OSTM1: variants seen among roughly 807,000 people sequenced by gnomAD.
OSTM1 encodes the protein osteopetrosis-associated transmembrane protein 1.
A neutral mutation model predicts 35.4 loss-of-function variants in OSTM1; 26 were observed. That is an observed-to-expected ratio of 0.73 (90% confidence interval 0.54 to 1.02). OSTM1 has a LOEUF of 1.02. Ranked by LOEUF, OSTM1 falls within the 50% of genes least tolerant of loss-of-function variation. OSTM1 has a pLI of 0.00. For missense variants in OSTM1, 366 were observed against 409.6 expected, an observed-to-expected ratio of 0.89 and a Z score of 0.92; for synonymous variants, 181 against 165.0, an observed-to-expected ratio of 1.10 and a Z score of -0.75.
In OSTM1 at chr6:108,070,600, A is replaced by G. The variant is rs1427954539; in HGVS notation, c.402+3650T>C. On this transcript the variant is annotated intron_variant, in intron 1 of 5. Coordinates refer to ENST00000193322, the MANE Select transcript of OSTM1 (RefSeq NM_014028.4). Reference sequence around the variant, plus strand: ...GTCTGAGTCAAACAAAATACATTACACTGGATAGGCTGGGCGTGGTGGCTC... The same window carrying G: ...GTCTGAGTCAAACAAAATACATTACGCTGGATAGGCTGGGCGTGGTGGCTC... Among the ~76,000 whole-genome samples the G allele has an allele frequency of 2.0e-5, 3 of 152,228 alleles. No individual in the cohort carries two copies. In the East Asian group the frequency reaches 5.8e-4, roughly 30 times the overall value.
chr6:108,061,537 T>C (rs76954336), intron 2 of OSTM1, among the ~76,000 whole-genome samples: 1,736 of 152,096 alleles, frequency 0.011, 27 homozygotes, highest in African/African-American at 0.04. Flanking sequence ...AAAAAACCTT[T>C]TTCTTTAAGA....
chr6:108,058,724 A>G (rs1772213359), intron 2 of OSTM1, among the ~76,000 whole-genome samples: 1 of 152,034 alleles, frequency 6.6e-6, no homozygotes, highest in Admixed American at 6.6e-5. Flanking sequence ...CTTGCAGTGA[A>G]CTGAGATCGC....
At chr6:108,048,094 C>T (rs1772011490) in intron 5 of OSTM1, among the ~76,000 whole-genome samples, 1 of 152,144 alleles carries the variant, frequency 6.6e-6, no homozygotes, top group African/African-American at 2.4e-5. Context: ...TAGTAGCTAG[C>T]ATTTTAAGGT....
At chr6:108,061,273 A>T (rs537634098) in intron 2 of OSTM1, among the ~76,000 whole-genome samples, 1 of 152,286 alleles carries the variant, frequency 6.6e-6, no homozygotes, top group South Asian at 2.1e-4. Flanking sequence ...GTTTTTCTTC[A>T]TATGAACTAA....
intron 1 of OSTM1, among the ~76,000 whole-genome samples, chr6:108,068,275 T>C (rs1035263690): frequency 1.3e-5 from 2 of 152,186 alleles, no homozygotes; most frequent in African/African-American, 4.8e-5. Flanking sequence ...TGTTCACCCA[T>C]GTCATAATTT....
At chr6:108,045,499 G>GA (rs112701181) in intron 5 of OSTM1, among the ~76,000 whole-genome samples, 33,096 of 137,404 alleles carry the variant, frequency 0.24, 3,816 homozygotes, top group East Asian at 0.27. Flanking sequence ...TCTGTAATGG[G>GA]AAAAAAAAAA....
intron 2 of OSTM1, among the ~76,000 whole-genome samples, chr6:108,062,146 C>A (rs2114604233): frequency 6.6e-6 from 1 of 151,798 alleles, no homozygotes; most frequent in South Asian, 2.1e-4. Flanking sequence ...AGATTAAAAA[C>A]AAAAACTAAT....
chr6:108,047,418 C>T (rs1164507597), intron 5 of OSTM1, among the ~76,000 whole-genome samples: 1 of 152,216 alleles, frequency 6.6e-6, no homozygotes. Context: ...TCATGTACAG[C>T]TTGGAGAGCA....
At chr6:108,048,789 T>C (rs1189451790) in intron 5 of OSTM1, among the ~76,000 whole-genome samples, 1 of 148,530 alleles carries the variant, frequency 6.7e-6, no homozygotes, top group African/African-American at 2.5e-5. Context: ...TCTCACTCTG[T>C]CTCCCAGGCT....
intron 1 of OSTM1, among the ~76,000 whole-genome samples, chr6:108,067,580 C>T (rs1772401222): frequency 6.6e-6 from 1 of 152,040 alleles, no homozygotes; most frequent in Non-Finnish European, 1.5e-5. Flanking sequence ...GCCTGTATCC[C>T]AATACTTTGG....
At chr6:108,071,857 G>A (rs1442683147) in intron 1 of OSTM1, among the ~76,000 whole-genome samples, 1 of 152,070 alleles carries the variant, frequency 6.6e-6, no homozygotes, top group Non-Finnish European at 1.5e-5. Context: ...AGGGTGAGTT[G>A]AGCTGGGTAC....
At position 108,072,818 on chromosome 6, in the gene OSTM1, T is replaced by C. The variant is rs1375197676; in HGVS notation, c.402+1432A>G. 4.6e-5 allele frequency among the ~76,000 whole-genome samples: 7 copies of C among 152,114 alleles called. No homozygotes were observed. The South Asian group carries it at 1.0e-3, about 23-fold the overall frequency. ...TGTTGCCCAGGAAGGAGTGCAGTAGTGCAATCTTGGCTCACCCCAACCTTG... is the reference window on the plus strand; with the variant it reads ...TGTTGCCCAGGAAGGAGTGCAGTAGCGCAATCTTGGCTCACCCCAACCTTG... On this transcript the variant is annotated intron_variant, in intron 1 of 5. Coordinates refer to ENST00000193322, the MANE Select transcript of OSTM1 (RefSeq NM_014028.4).
chr6:108,048,997 C>T (rs555638183), intron 5 of OSTM1, among the ~76,000 whole-genome samples: 1 of 152,140 alleles, frequency 6.6e-6, no homozygotes, highest in Admixed American at 6.5e-5. Flanking sequence ...GTGATCCGCC[C>T]ACCTCATCCT....
intron 3 of OSTM1, among the ~76,000 whole-genome samples, chr6:108,052,799 T>C (rs723861): frequency 0.33 from 49,494 of 152,002 alleles, 8,575 homozygotes; most frequent in Admixed American, 0.47. Flanking sequence ...CCACAAGAAA[T>C]CCTTTCACGC....
chr6:108,056,454 A>T (rs1204412514), intron 2 of OSTM1, among the ~76,000 whole-genome samples: 2 of 152,102 alleles, frequency 1.3e-5, no homozygotes, highest in African/African-American at 4.8e-5. Context: ...GCCACTGCCT[A>T]CTCCCTCCAC....
Position 108,074,720 on chromosome 6 carries a change from G to T in OSTM1, c.-69C>A. On this transcript the variant is annotated 5_prime_UTR_variant, in exon 1 of 6. Coordinates refer to ENST00000193322, the MANE Select transcript of OSTM1 (RefSeq NM_014028.4). ...CCCCCAGCCGGCACCGCGGACAGCC[G>T]CCGCTTCCGGTTTCCGCGAGCGCAG... 2 of 1,416,348 alleles carry T rather than the reference G, an allele frequency of 1.4e-6. No individual in the cohort carries two copies. The highest frequency in any genetic ancestry group is 1.8e-6 in the Non-Finnish European group (2 of 1,088,724). 87.7% of individuals were successfully genotyped at this position (1,416,348 alleles called of 1,614,324 possible).
chr6:108,052,341 G>A (rs1772090538), intron 3 of OSTM1, among the ~76,000 whole-genome samples: 3 of 151,600 alleles, frequency 2.0e-5, no homozygotes, highest in African/African-American at 7.3e-5. Flanking sequence ...GCTGAGGCAG[G>A]AGAATGGCGT....
chr6:108,048,057 T>C (rs773853364), intron 5 of OSTM1, among the ~76,000 whole-genome samples: 9 of 152,182 alleles, frequency 5.9e-5, no homozygotes, highest in African/African-American at 1.2e-4. Context: ...CTTTAATAAA[T>C]ACACCCATGA....
At chr6:108,054,236 C>A (rs117748892) in intron 3 of OSTM1, among the ~76,000 whole-genome samples, 1 of 152,196 alleles carries the variant, frequency 6.6e-6, no homozygotes, top group Non-Finnish European at 1.5e-5. Context: ...CAATCATTAT[C>A]TCACCAGATT....
Sources: gnomAD v4.1 joint callset for allele counts (sites outside exome capture counted in the v4.1 genomes callset) on GRCh38, gnomAD v4.1.1 for gene constraint, MANE v1.5 for transcripts, NCBI Gene and HGNC (gene_info 2026-07-23, HGNC 2026-07-21) for gene names.